The following TMEM74 variants were observed in gnomAD, a reference collection of about 807,000 sequenced individuals.
TMEM74 encodes transmembrane protein 74.
A neutral mutation model predicts 18.1 loss-of-function variants in TMEM74; 13 were observed. That is an observed-to-expected ratio of 0.72 (90% CI 0.47 to 1.14). The LOEUF (loss-of-function observed/expected upper bound fraction) is 1.14. Ranked by LOEUF, TMEM74 falls within the 50% of genes most tolerant of loss-of-function variation. The pLI is 0.00. For missense variants in TMEM74, 372 were observed against 375.9 expected, an observed-to-expected ratio of 0.99 and a Z score of 0.09; for synonymous variants, 159 against 146.6, an observed-to-expected ratio of 1.08 and a Z score of -0.61.
At chr8:108,646,103 A>T (rs1586245830) in intron 2 of TMEM74, among the ~76,000 whole-genome samples, 1 of 149,898 alleles carries the variant, frequency 6.7e-6, no homozygotes, top group Non-Finnish European at 1.5e-5. Context: ...TTTTGGAAAG[A>T]GTCTAATAAA....
chr8:108,731,392 G>C (rs1490694511), intron 1 of TMEM74, among the ~76,000 whole-genome samples: 1 of 152,088 alleles, frequency 6.6e-6, no homozygotes, highest in African/African-American at 2.4e-5. Flanking sequence ...TTAACATAGT[G>C]ATCTATATTT....
At chr8:108,682,295 C>T (rs1298976472) in intron 1 of TMEM74, among the ~76,000 whole-genome samples, 2 of 152,052 alleles carry the variant, frequency 1.3e-5, no homozygotes, top group African/African-American at 4.8e-5. Context: ...CACTATGCTG[C>T]CTTCACTTTT....
intron 1 of TMEM74, among the ~76,000 whole-genome samples, chr8:108,735,868 G>T (rs948264457): frequency 6.6e-6 from 1 of 151,914 alleles, no homozygotes; most frequent in African/African-American, 2.4e-5. Context: ...AACATATAAA[G>T]ATTCAATTTC....
intron 1 of TMEM74, among the ~76,000 whole-genome samples, chr8:108,702,703 T>G (rs540866899): frequency 6.6e-6 from 1 of 152,090 alleles, no homozygotes; most frequent in East Asian, 1.9e-4. Flanking sequence ...CTGTACCCAT[T>G]AACTGGTCAT....
At chr8:108,620,299 T>G (rs148847523) in intron 2 of TMEM74, among the ~76,000 whole-genome samples, 2 of 152,170 alleles carry the variant, frequency 1.3e-5, no homozygotes, top group Admixed American at 1.3e-4. Context: ...ACCATAAATA[T>G]GTAGAATTTC....
intron 2 of TMEM74, among the ~76,000 whole-genome samples, chr8:108,620,663 C>T (rs896652216): frequency 6.6e-6 from 1 of 152,030 alleles, no homozygotes; most frequent in Non-Finnish European, 1.5e-5. Context: ...TCAGAAGTCT[C>T]GGAAAGATAT....
At chr8:108,682,877 A>G (rs980261005) in intron 1 of TMEM74, among the ~76,000 whole-genome samples, 4 of 151,948 alleles carry the variant, frequency 2.6e-5, no homozygotes, top group Non-Finnish European at 5.9e-5. Context: ...AATAATAATG[A>G]AATACAATCT....
chr8:108,755,504 A>C (rs1270862658), intron 1 of TMEM74, among the ~76,000 whole-genome samples: 1 of 152,134 alleles, frequency 6.6e-6, no homozygotes, highest in African/African-American at 2.4e-5. Flanking sequence ...GCCTTTCAAA[A>C]TTTAAGCTTA....
chr8:108,640,447 T>G (rs1314692349), intron 2 of TMEM74, among the ~76,000 whole-genome samples: 2 of 151,862 alleles, frequency 1.3e-5, no homozygotes, highest in Non-Finnish European at 2.9e-5. Flanking sequence ...TTATTTTAGC[T>G]TCATCATTTA....
intron 2 of TMEM74, among the ~76,000 whole-genome samples, chr8:108,627,836 T>A (rs1322011722): frequency 2.9e-4 from 44 of 151,978 alleles, no homozygotes; most frequent in Admixed American, 2.9e-3. Flanking sequence ...ATGTTTGACT[T>A]GAGGTCAGGA....
intron 2 of TMEM74, among the ~76,000 whole-genome samples, chr8:108,635,769 T>G (rs1013158155): frequency 2.0e-5 from 3 of 152,068 alleles, no homozygotes; most frequent in Non-Finnish European, 4.4e-5. Flanking sequence ...TTTACTACTT[T>G]GGATTTCTGT....
intron 1 of TMEM74, among the ~76,000 whole-genome samples, chr8:108,688,183 A>G (rs908851661): frequency 6.6e-6 from 1 of 152,216 alleles, no homozygotes; most frequent in Non-Finnish European, 1.5e-5. Context: ...TGGTGCTCTC[A>G]AGAAGTATTC....
At chr8:108,666,707 G>A (rs564491715) in intron 1 of TMEM74, among the ~76,000 whole-genome samples, 1 of 152,236 alleles carries the variant, frequency 6.6e-6, no homozygotes, top group Admixed American at 6.5e-5. Context: ...AAGACATAAT[G>A]TGGTCACATC....
chr8:108,707,173 C>T (rs3019339), intron 1 of TMEM74, among the ~76,000 whole-genome samples: 91,507 of 123,626 alleles, frequency 0.74, 32,001 homozygotes, highest in East Asian at 0.87. Context: ...CATCACACAC[C>T]GGGGCCTGTC....
At chr8:108,717,980 A>T (rs1181257550) in intron 1 of TMEM74, among the ~76,000 whole-genome samples, 1 of 48,652 alleles carries the variant, frequency 2.1e-5, no homozygotes, top group Non-Finnish European at 3.2e-5. Context: ...TTTTTTTGAG[A>T]CGGAGTCTCG....
intron 1 of TMEM74, among the ~76,000 whole-genome samples, chr8:108,674,056 T>C (rs767718362): frequency 7.2e-4 from 109 of 152,178 alleles, no homozygotes; most frequent in Non-Finnish European, 9.1e-4. Context: ...TACAGCTAAA[T>C]ACTGATGCCT....
intron 1 of TMEM74, among the ~76,000 whole-genome samples, chr8:108,671,095 T>C (rs7459676): frequency 0.029 from 4,463 of 152,250 alleles, 118 homozygotes; most frequent in African/African-American, 0.066. Context: ...CTGATGAGGG[T>C]TCATACAAAA....
chr8:108,681,424 C>T (rs1280157612), intron 1 of TMEM74, among the ~76,000 whole-genome samples: 1 of 152,176 alleles, frequency 6.6e-6, no homozygotes, highest in African/African-American at 2.4e-5. Flanking sequence ...GGAAAGGATT[C>T]CCTATTTAAT....
At chr8:108,725,836 GATTT>G (rs1430321983) in intron 1 of TMEM74, among the ~76,000 whole-genome samples, 3 of 152,098 alleles carry the variant, frequency 2.0e-5, no homozygotes, top group Non-Finnish European at 2.9e-5. Context: ...AGAAATTTGA[GATTT>G]ATTTTTCACA....
Sources: allele counts gnomAD v4.1 joint callset (sites outside exome capture counted in the v4.1 genomes callset), GRCh38; gene constraint gnomAD v4.1.1; transcripts MANE v1.5; gene names NCBI Gene and HGNC (gene_info 2026-07-23, HGNC 2026-07-21).